The following KDM2B variants were observed in gnomAD, a reference collection of about 807,000 sequenced individuals.
KDM2B encodes lysine-specific demethylase 2B.
KDM2B carries 26 observed loss-of-function variants against 150.0 expected under a neutral mutation model. The observed-to-expected ratio is 0.17, with a 90% CI of 0.13 to 0.24. The LOEUF (loss-of-function observed/expected upper bound fraction) is 0.24. Ranked by LOEUF, KDM2B falls within the 10% of genes least tolerant of loss-of-function variation. The pLI, the probability that KDM2B is intolerant of heterozygous loss-of-function variation, is 1.00. For missense variants in KDM2B, 1,265 were observed against 1,816.9 expected (o/e 0.70, Z 5.52); for synonymous variants, 734 against 729.5 (o/e 1.01, Z -0.10).
At chr12:121,536,138 G>A (rs1008950536) in intron 6 of KDM2B, 1 of 982,626 alleles carries the variant, frequency 1.0e-6, no homozygotes, top group Non-Finnish European at 1.2e-6. Context: ...TGCGGGGAGT[G>A]GGGCTGAGCT....
At chr12:121,446,223 G>C (rs183950292) in intron 13 of KDM2B, among the ~76,000 whole-genome samples, 1 of 152,146 alleles carries the variant, frequency 6.6e-6, no homozygotes, top group South Asian at 2.1e-4. Flanking sequence ...GTGAAACCCC[G>C]TCTCTACTAA....
chr12:121,437,904 G>A (rs1874274309), intron 22 of KDM2B, among the ~76,000 whole-genome samples: 1 of 146,160 alleles, frequency 6.8e-6, no homozygotes. Context: ...TTTTTTTTAA[G>A]AAAATCTAGA....
chr12:121,532,126 AAAG>A (rs1463638046), intron 8 of KDM2B, among the ~76,000 whole-genome samples: 2 of 151,916 alleles, frequency 1.3e-5, no homozygotes, highest in Admixed American at 6.6e-5. Flanking sequence ...CTCAAAAAAA[AAAG>A]AAAAAAAGCA....
chr12:121,465,382 G>A (rs989075653), intron 12 of KDM2B, among the ~76,000 whole-genome samples: 16 of 152,070 alleles, frequency 1.1e-4, no homozygotes, highest in Admixed American at 4.6e-4. Context: ...TAAAGGCACC[G>A]GCCACCACGC....
intron 12 of KDM2B, among the ~76,000 whole-genome samples, chr12:121,471,270 T>C (rs1404273581): frequency 6.6e-6 from 1 of 152,162 alleles, no homozygotes; most frequent in African/African-American, 2.4e-5. Context: ...CCTTAACTTA[T>C]ATTCTTAGAA....
chr12:121,433,030 A>G, intron 22 of KDM2B: 1 of 417,594 alleles, frequency 2.4e-6, no homozygotes, highest in East Asian at 7.2e-5. Flanking sequence ...GTCGGTGGTA[A>G]GGCAGCACTT....
At chr12:121,438,012 G>A (rs1874297906) in intron 22 of KDM2B, among the ~76,000 whole-genome samples, 1 of 152,112 alleles carries the variant, frequency 6.6e-6, no homozygotes. Context: ...CCAGCACTTT[G>A]GGAGGCAGAG....
intron 12 of KDM2B, among the ~76,000 whole-genome samples, chr12:121,480,197 G>C (rs1555297576): frequency 6.6e-6 from 1 of 152,150 alleles, no homozygotes; most frequent in African/African-American, 2.4e-5. Flanking sequence ...AGATTCTCTG[G>C]AGCAAGGAGA....
At chr12:121,454,591 G>A (rs925334982) in intron 12 of KDM2B, among the ~76,000 whole-genome samples, 1 of 152,176 alleles carries the variant, frequency 6.6e-6, no homozygotes, top group East Asian at 1.9e-4. Flanking sequence ...CAGGATGGGA[G>A]AGCTTTTCTT....
chr12:121,512,143 G>A (rs1885641753), intron 10 of KDM2B, among the ~76,000 whole-genome samples: 1 of 152,170 alleles, frequency 6.6e-6, no homozygotes, highest in African/African-American at 2.4e-5. Flanking sequence ...TGGAGTTACT[G>A]TGATCATAGC....
chr12:121,454,816 TG>T (rs1212485988), intron 12 of KDM2B, among the ~76,000 whole-genome samples: 3 of 152,144 alleles, frequency 2.0e-5, no homozygotes, highest in African/African-American at 7.2e-5. Flanking sequence ...CCCATACTTT[TG>T]GGAGCACACA....
At chr12:121,554,816 C>T (rs1377836077) in intron 4 of KDM2B, among the ~76,000 whole-genome samples, 2 of 152,214 alleles carry the variant, frequency 1.3e-5, no homozygotes, top group African/African-American at 4.8e-5. Context: ...GATTTTCAGT[C>T]TTAGTCCAAA....
At chr12:121,558,522 C>T (rs189467735) in intron 4 of KDM2B, among the ~76,000 whole-genome samples, 21 of 148,610 alleles carry the variant, frequency 1.4e-4, no homozygotes, top group South Asian at 2.1e-4. Context: ...GGTGCGATCT[C>T]GGCTCACTGC....
In KDM2B at chr12:121,444,184, C is replaced by T. The variant is rs782702868; in HGVS notation, c.2279G>A (p.Gly760Glu). The T allele has an allele frequency of 6.2e-7, 1 of 1,612,854 alleles. No individual in the cohort carries two copies. The highest frequency in any genetic ancestry group is 1.1e-5 in the South Asian group (1 of 91,090). The change falls in exon 16 of 23, where the codon GGG (glycine) becomes GAG (glutamate). Residue 760 changes from glycine (G) to glutamate (E), a missense_variant. Physicochemically the swap from Gly to Glu is moderately conservative, Grantham distance 98. Around this residue, in one of 11 missense-constraint regions of KDM2B, gnomAD observed 418 missense variants for 402.4 expected, o/e 1.04. Transcript: ENST00000377071. ...ACTCCTCCGCTTGGCAGGTTCCTGC[C>T]CTTCCTTGTTGTCCCGGTTCATCTT... Reference protein sequence around the residue: ...EQKMNRDNKEGQEPAKRRSEC... With the variant: ...EQKMNRDNKEEQEPAKRRSEC...
intron 22 of KDM2B, among the ~76,000 whole-genome samples, chr12:121,436,389 C>T (rs928420583): frequency 1.3e-5 from 2 of 152,078 alleles, no homozygotes; most frequent in Admixed American, 6.5e-5. Flanking sequence ...GGCGTGGTGG[C>T]GGGCACCTGT....
chr12:121,425,186 TA>T (rs1391460504), downstream of KDM2B, among the ~76,000 whole-genome samples: 1 of 151,496 alleles, frequency 6.6e-6, no homozygotes, highest in Non-Finnish European at 1.5e-5. Context: ...CGGGTCCCTG[TA>T]ATCCCAACTA....
At chr12:121,449,294 C>CG (rs1876828427) in intron 13 of KDM2B, among the ~76,000 whole-genome samples, 1 of 151,934 alleles carries the variant, frequency 6.6e-6, no homozygotes. Context: ...GCCCCAGCGA[C>CG]GGAGCAAAGG....
the KDM2B span, chr12:121,415,303 C>A: frequency 2.6e-6 from 1 of 383,510 alleles, no homozygotes; most frequent in Non-Finnish European, 5.6e-6. Flanking sequence ...AATGCGAAAA[C>A]AGAGGTTTAA....
At chr12:121,557,636 A>C (rs139241627) in intron 4 of KDM2B, among the ~76,000 whole-genome samples, 1 of 152,194 alleles carries the variant, frequency 6.6e-6, no homozygotes. Context: ...GCCAAGGCGC[A>C]CTAAGCACTG....
Sources: gnomAD v4.1 joint callset for allele counts (sites outside exome capture counted in the v4.1 genomes callset) on GRCh38, gnomAD v4.1.1 for gene constraint, gnomAD v4.1.1 regional missense constraint, MANE v1.5 for transcripts, NCBI Gene and HGNC (gene_info 2026-07-23, HGNC 2026-07-21) for gene names.